NRP2: variants seen among roughly 807,000 people sequenced by gnomAD.
NRP2 encodes the protein neuropilin 2.
NRP2 carries 52 observed loss-of-function variants against 110.4 expected under a neutral mutation model. The ratio of observed to expected loss-of-function variants is 0.47; its 90% CI spans 0.38 to 0.59. The LOEUF (loss-of-function observed/expected upper bound fraction) is 0.59, where lower values mean the gene tolerates loss of function less well. NRP2 is among the 20% of genes least tolerant of loss of function. The pLI is 0.00. For missense variants in NRP2, 1,049 were observed against 1,203.0 expected, an observed-to-expected ratio of 0.87 and a Z score of 1.89; for synonymous variants, 508 against 468.9, an observed-to-expected ratio of 1.08 and a Z score of -1.08.
intron 1 of NRP2, among the ~76,000 whole-genome samples, chr2:205,695,126 A>C (rs943464799): frequency 1.3e-5 from 2 of 152,248 alleles, no homozygotes; most frequent in Non-Finnish European, 2.9e-5. Context: ...GGTTACCAAC[A>C]CACAACTGAA....
At chr2:205,754,730 G>C (rs1027242635) in intron 12 of NRP2, among the ~76,000 whole-genome samples, 6 of 152,160 alleles carry the variant, frequency 3.9e-5, no homozygotes, top group African/African-American at 1.2e-4. Context: ...AAGAAGGTTT[G>C]TGGGGTCTGT....
chr2:205,754,945 G>A (rs2057710402), intron 12 of NRP2, among the ~76,000 whole-genome samples: 1 of 152,092 alleles, frequency 6.6e-6, no homozygotes, highest in Non-Finnish European at 1.5e-5. Context: ...AATGATTCTG[G>A]CCTCCTCCCT....
chr2:205,716,392 T>C lies in NRP2; in HGVS notation c.433+18T>C. 1 of 1,611,514 alleles carries C rather than the reference T, an allele frequency of 6.2e-7. No individual in the cohort carries two copies. The highest frequency in any genetic ancestry group is 8.5e-7 in the Non-Finnish European group (1 of 1,179,628). On this transcript the variant is annotated intron_variant, in intron 3 of 16. Transcript: ENST00000357785. Reference sequence around the variant, plus strand: ...CAAGACAGGTCAGTGTGGTCACACGTAGGGGCCGGGAGATGGGCGTCTTAG... The same window carrying C: ...CAAGACAGGTCAGTGTGGTCACACGCAGGGGCCGGGAGATGGGCGTCTTAG...
At chr2:205,785,019 A>T (rs3770996) in intron 15 of NRP2, among the ~76,000 whole-genome samples, 1 of 152,024 alleles carries the variant, frequency 6.6e-6, no homozygotes, top group East Asian at 1.9e-4. Context: ...TAGCTGTAAA[A>T]TGATATCACA....
chr2:205,718,942 C>CA (rs10701288), intron 3 of NRP2, among the ~76,000 whole-genome samples: 65,546 of 143,624 alleles, frequency 0.46, 16,134 homozygotes, highest in East Asian at 0.8. Context: ...AATTCCATCT[C>CA]AAAAAAAAAA....
intron 12 of NRP2, among the ~76,000 whole-genome samples, chr2:205,753,905 G>A (rs775443523): frequency 1.9e-4 from 29 of 152,118 alleles, no homozygotes; most frequent in Admixed American, 3.3e-4. Context: ...CAGAAGTATA[G>A]CTACTGATAA....
At chr2:205,776,041 GCTAC>G in intron 15 of NRP2, 1 of 720,440 alleles carries the variant, frequency 1.4e-6, no homozygotes, top group Non-Finnish European at 2.5e-6. Context: ...TCTGACAATA[GCTAC>G]CTCCCAAGGG....
chr2:205,760,687 C>T (rs1446295421), intron 12 of NRP2: 1 of 152,192 alleles, frequency 6.6e-6, no homozygotes, highest in African/African-American at 2.4e-5. Context: ...GACTGTGAAA[C>T]CTTTGGCCTG....
At chr2:205,719,238 G>A (rs1020557101) in intron 3 of NRP2, among the ~76,000 whole-genome samples, 18 of 152,318 alleles carry the variant, frequency 1.2e-4, no homozygotes, top group Admixed American at 1.2e-3. Flanking sequence ...TAGCCATACA[G>A]AGGGCTCTAG....
At position 205,745,036 on chromosome 2, in the gene NRP2, C is replaced by T. The variant is rs2057512229; in HGVS notation, c.1642-710C>T. Among the ~76,000 whole-genome samples, 9 of 152,312 alleles carry T rather than the reference C, an allele frequency of 5.9e-5. No homozygotes were observed. The South Asian group carries it at 1.7e-3, about 28-fold the overall frequency. ...TCTGGGGGCTAATCAGCTGCAGGCC[C>T]TGGCCACCCACTCCTGTCCTTCCCC... On this transcript the variant is annotated intron_variant, in intron 9 of 16. Transcript: ENST00000357785.
At chr2:205,792,126 T>C in intron 15 of NRP2, 109 bp from the exon 16 acceptor site, 1 of 765,302 alleles carries the variant, frequency 1.3e-6, no homozygotes. Flanking sequence ...GGTGATTCTC[T>C]AGCTGCCTGC....
chr2:205,783,005 C>T (rs896892251), intron 15 of NRP2, among the ~76,000 whole-genome samples: 3 of 152,102 alleles, frequency 2.0e-5, no homozygotes, highest in East Asian at 1.9e-4. Flanking sequence ...TGAGGTTTGC[C>T]GTTTAAAATT....
chr2:205,782,526 C>G (rs1162643791), intron 15 of NRP2, among the ~76,000 whole-genome samples: 1 of 152,044 alleles, frequency 6.6e-6, no homozygotes, highest in Non-Finnish European at 1.5e-5. Flanking sequence ...CAGTCACCTC[C>G]CCAGAGGTAA....
intron 2 of NRP2, among the ~76,000 whole-genome samples, chr2:205,702,566 T>C (rs1396646350): frequency 6.6e-6 from 1 of 152,252 alleles, no homozygotes; most frequent in Non-Finnish European, 1.5e-5. Context: ...CAAGGTGCTC[T>C]TGTGTTTATT....
At chr2:205,730,666 T>C (rs1370694635) in intron 7 of NRP2, among the ~76,000 whole-genome samples, 1 of 152,070 alleles carries the variant, frequency 6.6e-6, no homozygotes, top group Admixed American at 6.5e-5. Flanking sequence ...ATGTGGGAAC[T>C]CGATTTCAAC....
At chr2:205,767,111 TG>T (rs1321891485) in intron 15 of NRP2, 3 of 452,506 alleles carry the variant, frequency 6.6e-6, no homozygotes, top group Non-Finnish European at 1.2e-5. Flanking sequence ...AATGCAGGGG[TG>T]GTGAGAAAGG....
chr2:205,702,187 C>T (rs1365408497), intron 2 of NRP2, among the ~76,000 whole-genome samples: 1 of 152,162 alleles, frequency 6.6e-6, no homozygotes, highest in African/African-American at 2.4e-5. Context: ...TGCTTTCACA[C>T]ATCCTGTTAC....
chr2:205,776,008 T>A, intron 15 of NRP2: 1 of 690,796 alleles, frequency 1.4e-6, no homozygotes, highest in Non-Finnish European at 2.7e-6. Context: ...TCTCCACCTC[T>A]GTTTCCTCAT....
At chr2:205,730,139 G>A (rs909313704) in intron 7 of NRP2, among the ~76,000 whole-genome samples, 1 of 152,230 alleles carries the variant, frequency 6.6e-6, no homozygotes, top group African/African-American at 2.4e-5. Context: ...TGCGGGTGTG[G>A]TGGACGCCCA....
Sources: gnomAD v4.1 joint callset for allele counts (sites outside exome capture counted in the v4.1 genomes callset) on GRCh38, gnomAD v4.1.1 for gene constraint, MANE v1.5 for transcripts, NCBI Gene and HGNC (gene_info 2026-07-23, HGNC 2026-07-21) for gene names.